Variants in KDR observed in about 807,000 individuals in gnomAD.
KDR encodes vascular endothelial growth factor receptor 2.
In KDR, 43 loss-of-function variants were observed where a neutral mutation model predicts 160.9. The observed-to-expected ratio is 0.27, with a 90% confidence interval of 0.21 to 0.34. The LOEUF is 0.34. Among genes scored for constraint, KDR ranks in the 10% least tolerant of loss-of-function variants. The pLI is 1.00. For missense variants in KDR, 1,469 were observed against 1,666.4 expected, an observed-to-expected ratio of 0.88 and a Z score of 2.06; for synonymous variants, 617 against 600.1, an observed-to-expected ratio of 1.03 and a Z score of -0.41.
chr4:55,097,251 C>T (rs892563869), intron 18 of KDR, among the ~76,000 whole-genome samples: 20 of 151,998 alleles, frequency 1.3e-4, no homozygotes, highest in African/African-American at 4.3e-4. Context: ...TTACATATTC[C>T]AATTCTGGAG....
rs773301156 is a variant in KDR, at chr4:55,080,182, A to T, written c.3849-19T>A. The T allele has an allele frequency of 6.2e-7, 1 of 1,607,866 alleles. No homozygotes were observed. The highest frequency in any genetic ancestry group is 1.1e-5 in the South Asian group (1 of 90,898). ...CATTCCACTGCAGAAGAAATGGCAA[A>T]CAAAGGAGTTGGCAGAGAGAAGACA... is the stretch of plus-strand genomic sequence containing the variant. On this transcript the variant is annotated intron_variant, in intron 29 of 29. Transcript: ENST00000263923.
Position 55,088,891 on chromosome 4 carries a change from G to T in KDR, c.3487C>A (p.Leu1163Ile). The T allele has an allele frequency of 6.2e-7, 1 of 1,613,962 alleles. No homozygotes were observed. The highest frequency in any genetic ancestry group is 8.5e-7 in the Non-Finnish European group (1 of 1,179,848). ...FSELVEHLGN[L>I]LQANAQQDGK... ...ACCTGCTGAGCATTAGCTTGCAAGA[G>T]ATTTCCCAAATGTTCCACCAACTCT... Residue 1163 changes from leucine to isoleucine, a missense_variant, in exon 26 of 30, where the codon CTC (leucine) becomes ATC (isoleucine). Physicochemically the swap from Leu to Ile is conservative, Grantham distance 5 (BLOSUM62 2). Transcript: ENST00000263923.
chr4:55,094,154 AG>A (rs1354320023), intron 21 of KDR, among the ~76,000 whole-genome samples: 3 of 152,286 alleles, frequency 2.0e-5, no homozygotes, highest in African/African-American at 7.2e-5. Flanking sequence ...GGTTTCAGTG[AG>A]CCGAGATCGC....
At position 55,079,449 on chromosome 4, in the gene KDR, A is replaced by C; in HGVS notation, c.*492T>G. On this transcript the variant is annotated 3_prime_UTR_variant, in exon 30 of 30. Coordinates refer to ENST00000263923, the MANE Select transcript of KDR (RefSeq NM_002253.4). ...GGTAACGTTAGTCTTCCTTTCTATC[A>C]ATCCGAATTCCACACTTAAGGCTTG... The C allele has an allele frequency of 3.5e-6, 1 of 283,780 alleles. No individual in the cohort carries two copies. The highest frequency in any genetic ancestry group is 9.0e-5 in the South Asian group (1 of 11,130). 17.6% of individuals were successfully genotyped at this position (283,780 alleles called of 1,614,324 possible).
In KDR at chr4:55,107,903, G is replaced by A. The variant is rs192508718; in HGVS notation, c.1256-10C>T. The A allele has an allele frequency of 1.8e-3, 2,900 of 1,613,744 alleles. 2 individuals carry two copies. The highest frequency in any genetic ancestry group is 2.3e-3 in the Non-Finnish European group (2,657 of 1,179,754). ...CCAATCTGGGGTGGGACTGAAGATG[G>A]GAAAAACAACTTTTGAATTGTCAGT... On this transcript the variant is annotated splice_polypyrimidine_tract_variant and intron_variant, in intron 9 of 29. Coordinates refer to ENST00000263923, the MANE Select transcript of KDR (RefSeq NM_002253.4).
chr4:55,083,271 C>G (rs1166502260), intron 27 of KDR, among the ~76,000 whole-genome samples: 2 of 152,108 alleles, frequency 1.3e-5, no homozygotes, highest in African/African-American at 4.8e-5. Context: ...GATATTTTGC[C>G]TATTTCAGAG....
chr4:55,079,283 C>T lies in KDR; in HGVS notation c.*658G>A, dbSNP rs1334632421. 4.3e-6 allele frequency: 1 copy of T among 233,066 alleles called. No individual in the cohort carries two copies. The highest frequency in any genetic ancestry group is 2.2e-5 in the African/African-American group (1 of 45,280). 14.4% of individuals were successfully genotyped at this position (233,066 alleles called of 1,614,324 possible). ...GTCAGAAACAGCACAACGAACTCTACTTTAGCCCAACTCGAAGAACACGCA... is the reference window on the plus strand; with the variant it reads ...GTCAGAAACAGCACAACGAACTCTATTTTAGCCCAACTCGAAGAACACGCA... On this transcript the variant is annotated 3_prime_UTR_variant, in exon 30 of 30. Transcript: ENST00000263923.
At chr4:55,089,658 G>A (rs1236065841) in intron 24 of KDR, 33 bp downstream of exon 24, 4 of 1,573,942 alleles carry the variant, frequency 2.5e-6, no homozygotes, top group Non-Finnish European at 3.5e-6. Flanking sequence ...CCTCTTTGGA[G>A]TCTGGATGGA....
intron 18 of KDR, among the ~76,000 whole-genome samples, chr4:55,097,423 C>A (rs1337679812): frequency 6.6e-6 from 1 of 152,118 alleles, no homozygotes; most frequent in Non-Finnish European, 1.5e-5. Flanking sequence ...GAGCCCTGCA[C>A]GAGGGTAACC....
intron 9 of KDR, 105 bp downstream of exon 9, chr4:55,110,298 G>T: frequency 1.7e-6 from 2 of 1,195,064 alleles, no homozygotes; most frequent in Non-Finnish European, 1.2e-6. Context: ...GCCCAGCCAT[G>T]ATATGAGTGA....
At chr4:55,094,065 T>A (rs1720087417) in intron 21 of KDR, among the ~76,000 whole-genome samples, 1 of 149,446 alleles carries the variant, frequency 6.7e-6, no homozygotes. Context: ...AAAAATTAGC[T>A]GGGCATGGTG....
Position 55,104,661 on chromosome 4 carries a change from T to C in KDR, c.1969A>G (p.Arg657Gly), listed in dbSNP as rs1720394711. 6.2e-7 allele frequency: 1 copy of C among 1,613,542 alleles called. No homozygotes were observed. The highest frequency in any genetic ancestry group is 1.3e-5 in the African/African-American group (1 of 74,902). ...RKTKKRHCVV[R>G]QLTVLERVAP... The stretch of plus-strand genomic sequence containing the variant: ...TCCCTACCTAGGACTGTGAGCTGCC[T>C]GACCACGCAATGTCTTTTCTTGGTC... Residue 657 changes from arginine to glycine, a missense_variant, in exon 13 of 30, where the codon AGG (arginine) becomes GGG (glycine). Physicochemically the swap from Arg to Gly is moderately radical, Grantham distance 125. Transcript: ENST00000263923.
At chr4:55,096,206 CA>C in intron 19 of KDR, 22 bp downstream of exon 19, 1 of 1,480,992 alleles carries the variant, frequency 6.8e-7, no homozygotes, top group Non-Finnish European at 9.4e-7. Context: ...ATTGGGTGAC[CA>C]AAACCACCCA....
At chr4:55,084,896 A>T (rs1305303925) in intron 27 of KDR, among the ~76,000 whole-genome samples, 1 of 152,202 alleles carries the variant, frequency 6.6e-6, no homozygotes, top group Non-Finnish European at 1.5e-5. Flanking sequence ...ACAGACAAAA[A>T]GTGCAGAAAG....
intron 29 of KDR, among the ~76,000 whole-genome samples, chr4:55,081,667 C>A (rs1460841126): frequency 6.6e-6 from 1 of 152,160 alleles, no homozygotes; most frequent in Non-Finnish European, 1.5e-5. Context: ...ATCCAATCAC[C>A]TTTTTCATTT....
In KDR at chr4:55,110,450, G is replaced by A. The variant is rs759869837; in HGVS notation, c.1208C>T (p.Pro403Leu). The change falls in exon 9 of 30, where the codon CCC becomes CTC. Residue 403 changes from proline to leucine, a missense_variant. This residue lies in a region of KDR where 792 missense variants were observed against 840.9 expected (regional missense o/e 0.94). Coordinates refer to ENST00000263923, the MANE Select transcript of KDR (RefSeq NM_002253.4). ...TGNYTVILTN[P>L]ISKEKQSHVV... The stretch of plus-strand genomic sequence containing the variant: ...ATGGCTCTGCTTCTCCTTTGAAATG[G>A]GATTGGTAAGGATGACAGTGTAATT... 8 of 1,613,874 alleles carry A rather than the reference G, an allele frequency of 5.0e-6. No homozygotes were observed. In the South Asian group the frequency reaches 6.6e-5, roughly 13 times the overall value.
Position 55,118,787 on chromosome 4 carries a change from A to T in KDR, c.175T>A (p.Leu59Met). 1 of 1,614,102 alleles carries T rather than the reference A, an allele frequency of 6.2e-7. No homozygotes were observed. The highest frequency in any genetic ancestry group is 8.5e-7 in the Non-Finnish European group (1 of 1,179,952). The change falls in exon 3 of 30, where the codon TTG (leucine) becomes ATG (methionine). Residue 59 changes from leucine (L) to methionine (M), a missense_variant. Leu to Met is a conservative substitution (Grantham distance 15). Coordinates refer to ENST00000263923, the MANE Select transcript of KDR (RefSeq NM_002253.4). The stretch of plus-strand genomic sequence containing the variant: ...TGATTATTGGGCCAAAGCCAGTCCA[A>T]GTCCCTCTGTCCCCTGAAAAATTAA... The part of the protein sequence containing the change: ...LQITCRGQRD[L>M]DWLWPNNQSG...
At chr4:55,086,714 G>A (rs148219781) in intron 27 of KDR, among the ~76,000 whole-genome samples, 3 of 152,234 alleles carry the variant, frequency 2.0e-5, no homozygotes, top group African/African-American at 4.8e-5. Context: ...GACTCTAGAG[G>A]GCAAACTGTC....
At chr4:55,096,533 AT>A in intron 18 of KDR, 191 bp from the exon 19 acceptor site, 1 of 586,680 alleles carries the variant, frequency 1.7e-6, no homozygotes, top group South Asian at 2.1e-5. Context: ...AATAAAATTC[AT>A]ATTTTAAGTG....
Sources: gnomAD v4.1 joint callset for allele counts (sites outside exome capture counted in the v4.1 genomes callset) on GRCh38, gnomAD v4.1.1 for gene constraint, gnomAD v4.1.1 regional missense constraint, MANE v1.5 for transcripts, NCBI Gene and HGNC (gene_info 2026-07-23, HGNC 2026-07-21) for gene names.